Variants in SPI1 observed in about 807,000 individuals in gnomAD.
SPI1 encodes transcription factor PU.1.
SPI1 carries 3 observed loss-of-function variants against 30.7 expected under a neutral mutation model. The ratio of observed to expected loss-of-function variants is 0.10; its 90% CI spans 0.04 to 0.25. SPI1 has a LOEUF of 0.25. Ranked by LOEUF, SPI1 falls within the 10% of genes least tolerant of loss-of-function variation. The pLI, the probability that SPI1 is intolerant of heterozygous loss-of-function variation, is 1.00. For synonymous variants in SPI1, 169 were observed against 157.1 expected (o/e 1.08, Z -0.56); for missense variants, 261 against 371.5 (o/e 0.70, Z 2.45).
chr11:47,355,854 A>G (rs2095907683), intron 4 of SPI1, among the ~76,000 whole-genome samples: 1 of 75,424 alleles, frequency 1.3e-5, no homozygotes, highest in Non-Finnish European at 2.7e-5. Flanking sequence ...ACGCACCCAC[A>G]CCTCCTTACA....
chr11:47,356,176 TCA>T (rs562873948), intron 4 of SPI1, among the ~76,000 whole-genome samples: 48 of 148,664 alleles, frequency 3.2e-4, no homozygotes, highest in Non-Finnish European at 4.3e-4. Context: ...TGTCACTTTC[TCA>T]CACACCCACA....
intron 4 of SPI1, 196 bp downstream of exon 4, chr11:47,358,648 G>A (rs138325794): frequency 2.1e-5 from 15 of 711,806 alleles, no homozygotes; most frequent in African/African-American, 3.5e-5. Flanking sequence ...GGAGATGCCC[G>A]TATGCACTAC....
In SPI1 at chr11:47,369,546, A is replaced by G. The variant is rs970502793; in HGVS notation, c.142+6087T>C. On this transcript the variant is annotated intron_variant, in intron 2 of 4. Transcript: ENST00000378538. The stretch of plus-strand genomic sequence containing the variant: ...CTAAAAACTTCCAGAGAAAGAAAAC[A>G]AAAGAGAGAGAGAGAAAAAAAAAAA... Among the ~76,000 whole-genome samples the G allele has an allele frequency of 2.4e-4, 25 of 105,642 alleles. 1 individual carries two copies. Among genetic ancestry groups the G allele is most frequent in the Non-Finnish European group, 1.9e-5 (1 of 51,670 alleles). The allele number at this position is 105,642 out of a possible 152,430, so 69.3% of individuals were successfully genotyped here. A position where few individuals can be genotyped will look rare whatever the true frequency, so the allele number is the denominator to read the frequency against.
Position 47,358,851 on chromosome 11 carries a change from C to T in SPI1, c.486G>A (p.Gly162=), listed in dbSNP as rs776854495. 2.2e-5 allele frequency: 34 copies of T among 1,548,628 alleles called. No homozygotes were observed. The South Asian group carries it at 3.9e-4, about 18-fold the overall frequency. ...GAGGGCCAGGTGCCCCACCTGTCTC[C>T]CCAGGCAGGAGCCCAGGCCCGGGCT... The part of the protein sequence containing the change: ...GLEPGPGLLP[G]ETGSKKKIRL... Residue 162 remains glycine (G), a synonymous_variant, in exon 4 of 5, where the codon GGG becomes GGA. Transcript: ENST00000378538.
intron 2 of SPI1, among the ~76,000 whole-genome samples, chr11:47,361,443 G>A (rs967949752): frequency 3.9e-5 from 6 of 152,204 alleles, no homozygotes; most frequent in Non-Finnish European, 8.8e-5. Flanking sequence ...GAAGTCCGGG[G>A]AATAACCCCA....
At chr11:47,377,922 C>T (rs2095944417) in intron 1 of SPI1, among the ~76,000 whole-genome samples, 1 of 152,238 alleles carries the variant, frequency 6.6e-6, no homozygotes, top group Non-Finnish European at 1.5e-5. Flanking sequence ...GCCTTCAACC[C>T]CTTCCCATCC....
Position 47,355,237 on chromosome 11 carries a change from G to A in SPI1, c.803C>T (p.Pro268Leu). ...GCGGGGGCTGCGGGCTCAGTGGGGC[G>A]GGTGGCGCCGCTCGGCCAGGCCCCC... ...GRGGLAERRH[P>L]PH The change falls in exon 5 of 5, where the codon CCG (proline) becomes CTG (leucine). Residue 268 changes from proline (P) to leucine (L), a missense_variant. This residue lies in a region of SPI1 where 24 missense variants were observed against 20.9 expected (regional missense o/e 1.15). Transcript: ENST00000378538. 7.0e-7 allele frequency: 1 copy of A among 1,423,244 alleles called. No homozygotes were observed. The highest frequency in any genetic ancestry group is 9.2e-7 in the Non-Finnish European group (1 of 1,091,496). The allele number at this position is 1,423,244 out of a possible 1,614,324, so 88.2% of individuals were successfully genotyped here.
Position 47,354,877 on chromosome 11 carries a change from T to G in SPI1, c.*350A>C. On this transcript the variant is annotated 3_prime_UTR_variant, in exon 5 of 5. Coordinates refer to ENST00000378538, the MANE Select transcript of SPI1 (RefSeq NM_003120.3). Reference sequence around the variant, plus strand: ...CAAGAGGATGGATTGAGAATAACTTTACTTGTTTTTTGGGAGGAGGTTAAT... The same window carrying G: ...CAAGAGGATGGATTGAGAATAACTTGACTTGTTTTTTGGGAGGAGGTTAAT... The G allele has an allele frequency of 9.6e-6, 2 of 208,534 alleles. No individual in the cohort carries two copies. Among genetic ancestry groups the G allele is most frequent in the Non-Finnish European group, 1.9e-5 (2 of 104,214 alleles). 12.9% of individuals were successfully genotyped at this position (208,534 alleles called of 1,614,324 possible).
intron 4 of SPI1, among the ~76,000 whole-genome samples, chr11:47,357,957 C>T (rs891571327): frequency 1.1e-4 from 17 of 151,798 alleles, no homozygotes; most frequent in African/African-American, 2.9e-4. Context: ...TGCTCACACA[C>T]GCAGGTGCTT....
At chr11:47,377,537 C>G (rs1315680619) in intron 1 of SPI1, among the ~76,000 whole-genome samples, 1 of 152,128 alleles carries the variant, frequency 6.6e-6, no homozygotes, top group Non-Finnish European at 1.5e-5. Flanking sequence ...ACTTCTTCAC[C>G]CCCAAGACCC....
chr11:47,377,443 C>T (rs1412234503), intron 1 of SPI1, among the ~76,000 whole-genome samples: 1 of 152,114 alleles, frequency 6.6e-6, no homozygotes, highest in Non-Finnish European at 1.5e-5. Context: ...CCTGGTCTGA[C>T]ACCTGCCTAA....
At chr11:47,362,107 C>T (rs1859955627) in intron 2 of SPI1, among the ~76,000 whole-genome samples, 1 of 152,158 alleles carries the variant, frequency 6.6e-6, no homozygotes, top group Non-Finnish European at 1.5e-5. Context: ...CCTGTGTCCT[C>T]ATCTGTTAAA....
At chr11:47,355,774 A>AT (rs544908564) in intron 4 of SPI1, among the ~76,000 whole-genome samples, 2 of 142,944 alleles carry the variant, frequency 1.4e-5, no homozygotes, top group African/African-American at 5.3e-5. Flanking sequence ...CCACGCACTC[A>AT]CCCCCCCCAC....
chr11:47,357,973 C>T (rs1018625732), intron 4 of SPI1, among the ~76,000 whole-genome samples: 4 of 151,464 alleles, frequency 2.6e-5, no homozygotes, highest in Non-Finnish European at 5.9e-5. Context: ...TGCTTAAGCA[C>T]GTCCTCACCC....
At chr11:47,356,790 A>G (rs1157931787) in intron 4 of SPI1, among the ~76,000 whole-genome samples, 1 of 150,342 alleles carries the variant, frequency 6.7e-6, no homozygotes, top group African/African-American at 2.5e-5. Flanking sequence ...CACACCTCAC[A>G]CACACTTGCA....
intron 2 of SPI1, among the ~76,000 whole-genome samples, chr11:47,368,662 G>A (rs1329510188): frequency 6.6e-6 from 1 of 152,194 alleles, no homozygotes; most frequent in African/African-American, 2.4e-5. Context: ...CTAAATGAAG[G>A]CATAAAAGAA....
At chr11:47,361,385 T>C (rs1402219863) in intron 2 of SPI1, among the ~76,000 whole-genome samples, 1 of 152,192 alleles carries the variant, frequency 6.6e-6, no homozygotes, top group Non-Finnish European at 1.5e-5. Flanking sequence ...CCTGAGACTT[T>C]CCTGGAAAAC....
chr11:47,375,798 G>A lies in SPI1; in HGVS notation c.46-69C>T, dbSNP rs532718445. On this transcript the variant is annotated intron_variant, in intron 1 of 4. Transcript: ENST00000378538. The surrounding 1 kb of genome is among the most constrained non-coding windows in gnomAD (Gnocchi z 4.2). ...CCCCAGCCAGGCCTGCAGCACCCCC[G>A]CACGCTGGGTCCCCATCACCTTCCC... is the stretch of plus-strand genomic sequence containing the variant. 1.3e-5 allele frequency: 16 copies of A among 1,253,294 alleles called. No individual in the cohort carries two copies. The highest frequency in any genetic ancestry group is 7.0e-5 in the East Asian group (3 of 43,070). The allele number at this position is 1,253,294 out of a possible 1,614,324, so 77.6% of individuals were successfully genotyped here. A position where few individuals can be genotyped will look rare whatever the true frequency, so the allele number is the denominator to read the frequency against.
chr11:47,375,419 C>T lies in SPI1; in HGVS notation c.142+214G>A, dbSNP rs1044551588. ...AGCAGATAACCATGGAAGAAATGAACCCCGCACCTTGACACACTGCAGAGG... is the reference window on the plus strand; with the variant it reads ...AGCAGATAACCATGGAAGAAATGAATCCCGCACCTTGACACACTGCAGAGG... On this transcript the variant is annotated intron_variant, in intron 2 of 4. Coordinates refer to ENST00000378538, the MANE Select transcript of SPI1 (RefSeq NM_003120.3). This position sits in a 1 kb window ranked among gnomAD's most constrained non-coding sequence, Gnocchi z 4.2. Among the ~76,000 whole-genome samples, 2 of 152,190 alleles carry T rather than the reference C, an allele frequency of 1.3e-5. No individual in the cohort carries two copies. The highest frequency in any genetic ancestry group is 2.9e-5 in the Non-Finnish European group (2 of 68,034).
Sources: gnomAD v4.1 joint callset for allele counts (sites outside exome capture counted in the v4.1 genomes callset) on GRCh38, gnomAD v4.1.1 for gene constraint, gnomAD v4.1.1 regional missense constraint, Gnocchi (gnomAD v3.1) non-coding constraint, MANE v1.5 for transcripts, NCBI Gene and HGNC (gene_info 2026-07-23, HGNC 2026-07-21) for gene names.